Variants in MYO9A observed in about 807,000 individuals in gnomAD.
MYO9A encodes myosin IXA.
A neutral mutation model predicts 293.3 loss-of-function variants in MYO9A; 103 were observed. The ratio of observed to expected loss-of-function variants is 0.35; its 90% CI spans 0.30 to 0.41. The LOEUF is 0.41. Ranked by LOEUF, MYO9A falls within the 10% of genes least tolerant of loss-of-function variation. The pLI, the probability that MYO9A is intolerant of heterozygous loss-of-function variation, is 1.00. For missense variants in MYO9A, 2,685 were observed against 3,033.0 expected, an observed-to-expected ratio of 0.89 and a Z score of 2.69; for synonymous variants, 1,001 against 1,035.7, an observed-to-expected ratio of 0.97 and a Z score of 0.64.
intron 1 of MYO9A, among the ~76,000 whole-genome samples, chr15:72,103,146 A>G (rs2080419859): frequency 1.4e-5 from 2 of 146,932 alleles, no homozygotes; most frequent in South Asian, 4.6e-4. Flanking sequence ...CAGTGAGCCA[A>G]GATTGCGCCA....
At chr15:72,077,272 G>A (rs2079382756) in intron 1 of MYO9A, among the ~76,000 whole-genome samples, 1 of 151,988 alleles carries the variant, frequency 6.6e-6, no homozygotes, top group Non-Finnish European at 1.5e-5. Flanking sequence ...TTGATAAGCT[G>A]GACTTCATTA....
intron 1 of MYO9A, among the ~76,000 whole-genome samples, chr15:72,050,635 C>A (rs2078530951): frequency 1.3e-5 from 2 of 151,204 alleles, no homozygotes; most frequent in African/African-American, 4.9e-5. Context: ...AATAAACAAA[C>A]AAACAAACAA....
rs145691959 is a variant in MYO9A, at chr15:71,963,505, A to G, written c.1987-3409T>C. On this transcript the variant is annotated intron_variant, in intron 13 of 41. Transcript: ENST00000356056. ...CTCTTGTTGCTCAGGCTGGAGTGCA[A>G]TGGCTTGATCTTGGCTCACCGCAAC... 4.2e-4 allele frequency among the ~76,000 whole-genome samples: 64 copies of G among 151,844 alleles called. 1 individual carries two copies. The highest frequency in any genetic ancestry group is 1.3e-4 in the Non-Finnish European group (9 of 67,940).
chr15:71,927,236 G>A (rs1415562406), intron 18 of MYO9A, among the ~76,000 whole-genome samples: 1 of 152,146 alleles, frequency 6.6e-6, no homozygotes, highest in Non-Finnish European at 1.5e-5. Flanking sequence ...TGTTTGGACT[G>A]CTTATATATT....
intron 1 of MYO9A, among the ~76,000 whole-genome samples, chr15:72,079,472 G>A (rs908245096): frequency 2.0e-5 from 3 of 152,054 alleles, no homozygotes; most frequent in Non-Finnish European, 4.4e-5. Flanking sequence ...TCTATCTGAA[G>A]ATGAATATCG....
chr15:71,872,440 A>T (rs537219755), intron 32 of MYO9A, among the ~76,000 whole-genome samples: 1 of 152,276 alleles, frequency 6.6e-6, no homozygotes, highest in Admixed American at 6.5e-5. Context: ...TTTCATTAAA[A>T]ATTACTTTAT....
At chr15:71,900,052 C>T (rs1453770173) in intron 23 of MYO9A, 46 bp from the exon 24 acceptor site, 2 of 1,500,368 alleles carry the variant, frequency 1.3e-6, no homozygotes, top group Non-Finnish European at 1.8e-6. Flanking sequence ...ATATCTTACA[C>T]TGCATTTTCA....
At chr15:72,098,220 C>T (rs1567036766) in intron 1 of MYO9A, among the ~76,000 whole-genome samples, 1 of 151,572 alleles carries the variant, frequency 6.6e-6, no homozygotes, top group Non-Finnish European at 1.5e-5. Context: ...AACATGGCTT[C>T]TATCTGGTAT....
chr15:71,845,184 T>C (rs2055330492), intron 39 of MYO9A, among the ~76,000 whole-genome samples: 1 of 152,178 alleles, frequency 6.6e-6, no homozygotes, highest in Non-Finnish European at 1.5e-5. Flanking sequence ...GGCTTTTTTT[T>C]GAAAAGACTG....
intron 1 of MYO9A, among the ~76,000 whole-genome samples, chr15:72,079,269 C>A (rs1399339428): frequency 1.3e-5 from 2 of 151,322 alleles, no homozygotes; most frequent in African/African-American, 4.9e-5. Context: ...CACTGTAAAC[C>A]TAAAACTGCT....
intron 1 of MYO9A, among the ~76,000 whole-genome samples, chr15:72,101,930 C>CGCCCCTACTGGGAAGTGAGG (rs1372628286): frequency 6.6e-6 from 1 of 152,100 alleles, no homozygotes; most frequent in African/African-American, 2.4e-5. Flanking sequence ...TCTGCCCGGC[C>CGCCCCTACTGGGAAGTGAGG]GCCCCTACTG....
chr15:71,849,955 A>ACTATTTTATGAACCCATTCT, intron 38 of MYO9A, 81 bp downstream of exon 38: 1 of 1,526,788 alleles, frequency 6.5e-7, no homozygotes, highest in Non-Finnish European at 9.0e-7. Context: ...GAACCCATTC[A>ACTATTTTATGAACCCATTCT]CTATGTTTGA....
chr15:71,968,243 A>C, intron 12 of MYO9A, 118 bp from the exon 13 acceptor site: 1 of 808,364 alleles, frequency 1.2e-6, no homozygotes, highest in Non-Finnish European at 1.8e-6. Context: ...AGCAGTTTAC[A>C]AAAGTTTTCA....
intron 18 of MYO9A, among the ~76,000 whole-genome samples, chr15:71,923,812 G>A (rs771306594): frequency 1.5e-4 from 23 of 151,824 alleles, no homozygotes; most frequent in Non-Finnish European, 2.1e-4. Context: ...TTTCATTAAC[G>A]TTTTGTATTT....
chr15:72,034,216 C>A (rs1295037260), intron 2 of MYO9A, among the ~76,000 whole-genome samples: 1 of 152,194 alleles, frequency 6.6e-6, no homozygotes, highest in African/African-American at 2.4e-5. Context: ...AATTCAAATT[C>A]TTGGGTCCCT....
At chr15:71,946,059 GTCTTCATGTATTAT>G (rs146536836) in intron 15 of MYO9A, among the ~76,000 whole-genome samples, 2,992 of 152,138 alleles carry the variant, frequency 0.02, 101 homozygotes, top group African/African-American at 0.068. Flanking sequence ...ATTCCATGTG[GTCTTCATGTATTAT>G]TCTTCATGTA....
chr15:72,099,909 C>CAAAAAAA (rs34892673), intron 1 of MYO9A, among the ~76,000 whole-genome samples: 6 of 39,776 alleles, frequency 1.5e-4, no homozygotes, highest in Admixed American at 4.2e-4. Flanking sequence ...GACTTGGTCT[C>CAAAAAAA]AAAAAAAAAA....
At chr15:71,954,435 A>G (rs1451272195) in intron 14 of MYO9A, among the ~76,000 whole-genome samples, 1 of 151,968 alleles carries the variant, frequency 6.6e-6, no homozygotes, top group African/African-American at 2.4e-5. Flanking sequence ...CTATCTCCTG[A>G]CCTCGTGATC....
chr15:72,041,602 G>A (rs1417309853), intron 2 of MYO9A: 4 of 282,088 alleles, frequency 1.4e-5, no homozygotes, highest in Non-Finnish European at 7.0e-6. Context: ...TGCATAGGGT[G>A]AGTGCTGGAA....
Sources: gnomAD v4.1 joint callset for allele counts (sites outside exome capture counted in the v4.1 genomes callset) on GRCh38, gnomAD v4.1.1 for gene constraint, MANE v1.5 for transcripts, NCBI Gene and HGNC (gene_info 2026-07-23, HGNC 2026-07-21) for gene names.